The following USF1 variants were observed in gnomAD, a reference collection of about 807,000 sequenced individuals.
USF1 encodes the protein upstream stimulatory factor 1.
Under a neutral mutation model 46.3 loss-of-function variants are expected in USF1, and 22 were observed. The observed-to-expected ratio is 0.47, with a 90% CI of 0.34 to 0.68. The LOEUF (loss-of-function observed/expected upper bound fraction) is 0.68. USF1 is among the 30% of genes least tolerant of loss of function. The pLI, the probability that USF1 is intolerant of heterozygous loss-of-function variation, is 0.01. For missense variants in USF1, 287 were observed against 399.3 expected (o/e 0.72, Z 2.40); for synonymous variants, 150 against 147.0 (o/e 1.02, Z -0.15).
chr1:161,045,133 A>G (rs1650745700), intron 1 of USF1, among the ~76,000 whole-genome samples: 1 of 152,202 alleles, frequency 6.6e-6, no homozygotes, highest in South Asian at 2.1e-4. Flanking sequence ...CGCTGACTGC[A>G]GGGGAAGGCA....
chr1:161,040,252 G>C lies in USF1; in HGVS notation c.793C>G (p.Leu265Val). 1 of 1,614,182 alleles carries C rather than the reference G, an allele frequency of 6.2e-7. No homozygotes were observed. Among genetic ancestry groups the C allele is most frequent in the Non-Finnish European group, 8.5e-7 (1 of 1,180,028 alleles). The change falls in exon 10 of 11, where the codon CTG becomes GTG. Residue 265 changes from leucine (L) to valine (V), a missense_variant. Transcript: ENST00000368021. This position sits in a 1 kb window ranked among gnomAD's most constrained non-coding sequence, Gnocchi z 4.0. ...AGCTGCAGTTGGTCAAGTCCCTGCA[G>C]TTCTTCAGACAAGCGGTGGTTACTC... ...RQSNHRLSEE[L>V]QGLDQLQLDN...
chr1:161,045,215 C>T (rs1650751373), intron 1 of USF1, among the ~76,000 whole-genome samples: 1 of 152,320 alleles, frequency 6.6e-6, no homozygotes, highest in Admixed American at 6.5e-5. Flanking sequence ...TCTCTGAGGA[C>T]ACCCAGCAAC....
chr1:161,039,927 C>T lies in USF1; in HGVS notation c.926G>A (p.Ser309Asn), dbSNP rs367551534. 5.6e-6 allele frequency: 9 copies of T among 1,614,078 alleles called. No individual in the cohort carries two copies. Among genetic ancestry groups the T allele is most frequent in the South Asian group, 1.1e-5 (1 of 91,082 alleles). Residue 309 changes from serine to asparagine, a missense_variant, in exon 11 of 11, where the codon AGC becomes AAC. Coordinates refer to ENST00000368021, the MANE Select transcript of USF1 (RefSeq NM_007122.5). The part of the protein sequence containing the change: ...HGLEVVIKND[S>N]N The stretch of plus-strand genomic sequence containing the variant: ...GCCCCTGAATCCCCATAGTTAGTTG[C>T]TGTCATTCTTGATGACGACCTCTAA...
At chr1:161,041,292 A>T in intron 7 of USF1, 32 bp downstream of exon 7, 1 of 1,313,774 alleles carries the variant, frequency 7.6e-7, no homozygotes, top group Non-Finnish European at 1.1e-6. Flanking sequence ...AAAACCACTT[A>T]CGGAATCTGA....
At chr1:161,043,026 T>C (rs993401747) in intron 2 of USF1, 144 bp from the exon 3 acceptor site, 86 of 1,280,544 alleles carry the variant, frequency 6.7e-5, no homozygotes, top group Non-Finnish European at 9.2e-5. Context: ...GTTTACTGTT[T>C]ACTATGTACA....
Position 161,040,716 on chromosome 1 carries a change from A to G in USF1, c.620-46T>C, listed in dbSNP as rs1462543428. On this transcript the variant is annotated intron_variant, in intron 8 of 10. Transcript: ENST00000368021. The surrounding 1 kb of genome is among the most constrained non-coding windows in gnomAD (Gnocchi z 4.0). ...CAAGGTGACTCAGTGAAAACTCGCCACAAGTCCCAGGGTAAAATTACCTAA... is the reference window on the plus strand; with the variant it reads ...CAAGGTGACTCAGTGAAAACTCGCCGCAAGTCCCAGGGTAAAATTACCTAA... The G allele has an allele frequency of 1.2e-6, 2 of 1,612,210 alleles. No homozygotes were observed. The highest frequency in any genetic ancestry group is 2.2e-5 in the East Asian group (1 of 44,856).
In USF1 at chr1:161,040,806, A is replaced by G; in HGVS notation, c.619+8T>C. 6.2e-7 allele frequency: 1 copy of G among 1,614,120 alleles called. No individual in the cohort carries two copies. The highest frequency in any genetic ancestry group is 8.5e-7 in the Non-Finnish European group (1 of 1,180,016). ...GACAGCTTCTAGCTCCACCCAGATC[A>G]TACCTACCTTCATTATGCTGAGCCC... On this transcript the variant is annotated splice_region_variant and intron_variant, in intron 8 of 10. Coordinates refer to ENST00000368021, the MANE Select transcript of USF1 (RefSeq NM_007122.5). This position sits in a 1 kb window ranked among gnomAD's most constrained non-coding sequence, Gnocchi z 4.0.
chr1:161,041,917 C>T, intron 5 of USF1, 71 bp from the exon 6 acceptor site: 1 of 1,481,040 alleles, frequency 6.8e-7, no homozygotes, highest in Admixed American at 1.8e-5. Flanking sequence ...CACTCTGCAG[C>T]TTCTATCCGT....
At position 161,039,893 on chromosome 1, in the gene USF1, G is replaced by C. The variant is rs1411823092; in HGVS notation, c.*27C>G. 6.2e-7 allele frequency: 1 copy of C among 1,612,520 alleles called. No individual in the cohort carries two copies. The highest frequency in any genetic ancestry group is 1.7e-5 in the Admixed American group (1 of 60,006). On this transcript the variant is annotated 3_prime_UTR_variant, in exon 11 of 11. Coordinates refer to ENST00000368021, the MANE Select transcript of USF1 (RefSeq NM_007122.5). ...TGCTCCTGGGCTATCTGCAGTTCTT[G>C]GGCCCAAAGCCCCTGAATCCCCATA...
intron 3 of USF1, 54 bp from the exon 4 acceptor site, chr1:161,042,724 G>T: frequency 1.2e-6 from 2 of 1,611,606 alleles, no homozygotes; most frequent in South Asian, 1.1e-5. Flanking sequence ...TTCTACCCCC[G>T]TTCCATTTGC....
chr1:161,044,173 C>A (rs1193067308), intron 1 of USF1, among the ~76,000 whole-genome samples: 6 of 151,894 alleles, frequency 4.0e-5, no homozygotes, highest in Admixed American at 3.9e-4. Context: ...GAACTCCTGA[C>A]CTCAGGTGAT....
chr1:161,039,915 CAT>C lies in USF1; in HGVS notation c.*3_*4del. The stretch of plus-strand genomic sequence containing the variant: ...CTTGGGCCCAAAGCCCCTGAATCCC[CAT>C]AGTTAGTTGCTGTCATTCTTGATGA... On this transcript the variant is annotated 3_prime_UTR_variant, in exon 11 of 11. Transcript: ENST00000368021. The C allele has an allele frequency of 6.2e-7, 1 of 1,614,124 alleles. No homozygotes were observed. The highest frequency in any genetic ancestry group is 8.5e-7 in the Non-Finnish European group (1 of 1,180,004).
Position 161,039,710 on chromosome 1 carries a change from G to T in USF1, c.*210C>A. The stretch of plus-strand genomic sequence containing the variant: ...AAGGGCCCAGGGGCTGCATGGTGGG[G>T]GTGGGCAAGGCTGTCAGTGCACGTC... On this transcript the variant is annotated 3_prime_UTR_variant, in exon 11 of 11. Transcript: ENST00000368021. 1.7e-6 allele frequency: 1 copy of T among 586,864 alleles called. No homozygotes were observed. Among genetic ancestry groups the T allele is most frequent in the African/African-American group, 1.9e-5 (1 of 53,652 alleles). 36.4% of individuals were successfully genotyped at this position (586,864 alleles called of 1,614,324 possible).
chr1:161,044,427 G>A lies in USF1; in HGVS notation c.-85-1067C>T, dbSNP rs182739937. On this transcript the variant is annotated intron_variant, in intron 1 of 10. Transcript: ENST00000368021. Reference sequence around the variant, plus strand: ...AAGACATTTCTGTTTTCAAACCTAGGAAGAGGAAATCTGAAGCCCACTACC... The same window carrying A: ...AAGACATTTCTGTTTTCAAACCTAGAAAGAGGAAATCTGAAGCCCACTACC... Among the ~76,000 whole-genome samples the A allele has an allele frequency of 7.2e-5, 11 of 152,286 alleles. No individual in the cohort carries two copies. In the East Asian group the frequency reaches 1.7e-3, roughly 24 times the overall value.
At position 161,042,715 on chromosome 1, in the gene USF1, T is replaced by C. The variant is rs753237731; in HGVS notation, c.59-45A>G. 3 of 1,613,102 alleles carry C rather than the reference T, an allele frequency of 1.9e-6. No homozygotes were observed. The South Asian group carries it at 3.3e-5, about 18-fold the overall frequency. ...GAAAAGTCTGTGAGTTAACTGCCTT[T>C]CTACCCCCGTTCCATTTGCATGTCA... On this transcript the variant is annotated intron_variant, in intron 3 of 10. Transcript: ENST00000368021.
rs370235301 is a variant in USF1 at position 161,040,712 on chromosome 1, C to T, written c.620-42G>A. ...AGGACAAGGTGACTCAGTGAAAACT[C>T]GCCACAAGTCCCAGGGTAAAATTAC... On this transcript the variant is annotated intron_variant, in intron 8 of 10. Transcript: ENST00000368021. The surrounding 1 kb of genome is among the most constrained non-coding windows in gnomAD (Gnocchi z 4.0). 2.3e-5 allele frequency: 37 copies of T among 1,611,752 alleles called. No homozygotes were observed. In the African/African-American group the frequency reaches 3.1e-4, roughly 13 times the overall value.
chr1:161,041,904 C>T (rs1372962341), intron 5 of USF1, 58 bp from the exon 6 acceptor site: 22 of 1,530,234 alleles, frequency 1.4e-5, no homozygotes, highest in Non-Finnish European at 2.0e-5. Flanking sequence ...CTTCCCACTA[C>T]ACCACTCTGC....
chr1:161,042,836 C>G lies in USF1; in HGVS notation c.55G>C (p.Glu19Gln). ...ETEEGTVQIQEGAVATGEDPT... is the reference protein window; with the variant it reads ...ETEEGTVQIQQGAVATGEDPT... ...TGGTTCTGTTTCTAGCACTCACCTT[C>G]CTGAATCTGCACTGTCCCCTCTTCC... Residue 19 changes from glutamate to glutamine, a missense_variant, in exon 3 of 11, where the codon GAA (glutamate) becomes CAA (glutamine). Coordinates refer to ENST00000368021, the MANE Select transcript of USF1 (RefSeq NM_007122.5). 6.2e-7 allele frequency: 1 copy of G among 1,614,198 alleles called. No individual in the cohort carries two copies. Among genetic ancestry groups the G allele is most frequent in the Non-Finnish European group, 8.5e-7 (1 of 1,180,028 alleles).
rs370681807 is a variant in USF1 at position 161,041,757 on chromosome 1, C to T, written c.366G>A (p.Thr122=). The part of the protein sequence containing the change: ...AETHYTYFPS[T]AVGDGAGGTT... ...TACCCCCTGCCCCATCTCCCACTGC[C>T]GTGCTGGGGAAGTAAGTATAGTGCG... Residue 122 remains threonine (T), a synonymous_variant, in exon 6 of 11, where the codon ACG becomes ACA. Transcript: ENST00000368021. 7.4e-6 allele frequency: 12 copies of T among 1,614,006 alleles called. No individual in the cohort carries two copies. The highest frequency in any genetic ancestry group is 1.6e-4 in the Middle Eastern group (1 of 6,082).
Sources: allele counts gnomAD v4.1 joint callset (sites outside exome capture counted in the v4.1 genomes callset), GRCh38; gene constraint gnomAD v4.1.1; non-coding constraint Gnocchi (gnomAD v3.1); transcripts MANE v1.5; gene names NCBI Gene and HGNC (gene_info 2026-07-23, HGNC 2026-07-21).